The following LARP1B variants were observed in gnomAD, a reference collection of about 807,000 sequenced individuals.
LARP1B encodes the protein la-related protein 1B.
LARP1B carries 76 observed loss-of-function variants against 114.2 expected under a neutral mutation model. The ratio of observed to expected loss-of-function variants is 0.67; its 90% CI spans 0.55 to 0.81. The LOEUF is 0.81. LARP1B is among the 30% of genes least tolerant of loss of function. The pLI, the probability that LARP1B is intolerant of heterozygous loss-of-function variation, is 0.00. For synonymous variants in LARP1B, 345 were observed against 348.0 expected (o/e 0.99, Z 0.10); for missense variants, 1,014 against 1,075.8 (o/e 0.94, Z 0.80).
intron 15 of LARP1B, among the ~76,000 whole-genome samples, chr4:128,181,744 T>A (rs1182780711): frequency 2.0e-5 from 3 of 152,014 alleles, no homozygotes; most frequent in African/African-American, 4.8e-5. Flanking sequence ...TTCATGTCTC[T>A]GTGTCACCTT....
intron 9 of LARP1B, among the ~76,000 whole-genome samples, chr4:128,111,224 T>G (rs1179446808): frequency 1.3e-5 from 2 of 151,910 alleles, no homozygotes; most frequent in African/African-American, 4.8e-5. Context: ...TTTTTTGTAT[T>G]TTTAGTAGAG....
intron 15 of LARP1B, among the ~76,000 whole-genome samples, chr4:128,194,513 T>C (rs1753381387): frequency 6.6e-6 from 1 of 151,708 alleles, no homozygotes; most frequent in African/African-American, 2.4e-5. Context: ...AAACCCCGTC[T>C]CTGCTAAAAA....
intron 12 of LARP1B, among the ~76,000 whole-genome samples, chr4:128,176,201 TA>T (rs1329944175): frequency 1.0e-4 from 15 of 143,974 alleles, no homozygotes; most frequent in Admixed American, 5.0e-4. Flanking sequence ...TATTTTTATA[TA>T]TTATATATTT....
At chr4:128,157,251 T>C (rs908694111) in intron 11 of LARP1B, among the ~76,000 whole-genome samples, 2 of 152,156 alleles carry the variant, frequency 1.3e-5, no homozygotes, top group Non-Finnish European at 2.9e-5. Context: ...ATGGGTAGGC[T>C]TAATAGTAGA....
chr4:128,199,878 G>A (rs1388943290), intron 16 of LARP1B, among the ~76,000 whole-genome samples: 3 of 152,170 alleles, frequency 2.0e-5, no homozygotes, highest in African/African-American at 4.8e-5. Context: ...TTGAGGTCAG[G>A]AGTATGAGAC....
intron 15 of LARP1B, among the ~76,000 whole-genome samples, chr4:128,194,053 T>G (rs116522547): frequency 0.027 from 4,111 of 152,276 alleles, 174 homozygotes; most frequent in African/African-American, 0.094. Context: ...TATTGTGTTG[T>G]GTATATTTTG....
chr4:128,127,143 T>C (rs1789927786), intron 11 of LARP1B, among the ~76,000 whole-genome samples: 1 of 152,170 alleles, frequency 6.6e-6, no homozygotes, highest in Non-Finnish European at 1.5e-5. Flanking sequence ...TGCAAAAATA[T>C]CTTTCAGTAA....
intron 11 of LARP1B, among the ~76,000 whole-genome samples, chr4:128,160,402 A>T (rs897041105): frequency 6.6e-6 from 1 of 152,170 alleles, no homozygotes; most frequent in African/African-American, 2.4e-5. Flanking sequence ...GGAGATCCTG[A>T]CCAGAAGGGA....
intron 7 of LARP1B, among the ~76,000 whole-genome samples, chr4:128,096,701 C>T (rs1033044168): frequency 4.6e-5 from 7 of 151,286 alleles, no homozygotes; most frequent in Non-Finnish European, 1.0e-4. Context: ...CCCAGGTTCA[C>T]GCCATTCTCC....
chr4:128,069,025 G>T, intron 1 of LARP1B: 1 of 885,958 alleles, frequency 1.1e-6, no homozygotes, highest in South Asian at 1.7e-5. Context: ...TGGCTGTAAC[G>T]GTGGAGCTGG....
intron 10 of LARP1B, among the ~76,000 whole-genome samples, chr4:128,121,083 A>G (rs1017826806): frequency 6.6e-6 from 1 of 152,120 alleles, no homozygotes; most frequent in African/African-American, 2.4e-5. Context: ...TGCTGGGATT[A>G]TAGGTGTGAG....
At chr4:128,221,021 T>C (rs973163892) in intron 7 of LARP1B, among the ~76,000 whole-genome samples, 5 of 152,214 alleles carry the variant, frequency 3.3e-5, no homozygotes, top group Non-Finnish European at 2.9e-5. Flanking sequence ...CGAACTCAAC[T>C]GCAATGATTC....
chr4:128,098,222 C>T lies in LARP1B; in HGVS notation c.705C>T (p.Asp235=). ...TCAGTGTAGAAAATTTGGAACGAGA[C>T]TTCTTTCTTCGGGGAAAGATGGATG... ...YYFSVENLER[D]FFLRGKMDEQ... Residue 235 remains aspartate (D), a synonymous_variant, in exon 8 of 20, where the codon GAC becomes GAT. Coordinates refer to ENST00000326639, the MANE Select transcript of LARP1B (RefSeq NM_018078.4). 1 of 1,613,030 alleles carries T rather than the reference C, an allele frequency of 6.2e-7. No individual in the cohort carries two copies. Among genetic ancestry groups the T allele is most frequent in the Non-Finnish European group, 8.5e-7 (1 of 1,179,096 alleles).
At chr4:128,073,833 G>C (rs567393404) in intron 1 of LARP1B, among the ~76,000 whole-genome samples, 2 of 151,582 alleles carry the variant, frequency 1.3e-5, no homozygotes, top group Admixed American at 1.3e-4. Flanking sequence ...CCAGTGATCC[G>C]CCCATCTTGG....
intron 8 of LARP1B, among the ~76,000 whole-genome samples, chr4:128,098,860 A>T (rs1462049167): frequency 7.1e-6 from 1 of 141,288 alleles, no homozygotes; most frequent in East Asian, 2.1e-4. Context: ...TCACCACAAC[A>T]TCTGCCTCTT....
At chr4:128,062,801 T>TA (rs751424378) in intron 1 of LARP1B, among the ~76,000 whole-genome samples, 92 of 148,026 alleles carry the variant, frequency 6.2e-4, no homozygotes, top group Non-Finnish European at 1.2e-3. Context: ...CATTAGGAGA[T>TA]ATACCTAATG....
chr4:128,085,237 A>G (rs1360063477), intron 5 of LARP1B, among the ~76,000 whole-genome samples: 2 of 151,812 alleles, frequency 1.3e-5, no homozygotes, highest in South Asian at 2.1e-4. Flanking sequence ...AAGTTTCTTC[A>G]GCTTTTTTGT....
rs533053980 is a variant in LARP1B, at chr4:128,065,075, A to G, written c.-78+3674A>G. Among the ~76,000 whole-genome samples the G allele has an allele frequency of 2.0e-4, 30 of 152,192 alleles. No homozygotes were observed. The South Asian group carries it at 6.0e-3, about 30-fold the overall frequency. On this transcript the variant is annotated intron_variant, in intron 1 of 19. Coordinates refer to ENST00000326639, the MANE Select transcript of LARP1B (RefSeq NM_018078.4). ...TGGAGATTAAGAACACTGTGATACT[A>G]GTTGTATGGTATGGTTCATGGAAAT...
intron 1 of LARP1B, among the ~76,000 whole-genome samples, chr4:128,065,252 A>T (rs61272463): frequency 0.43 from 44,487 of 104,418 alleles, 8,658 homozygotes; most frequent in Middle Eastern, 0.53. Flanking sequence ...TCCCACAATT[A>T]ATTTCTTTCT....
Sources: allele counts gnomAD v4.1 joint callset (sites outside exome capture counted in the v4.1 genomes callset), GRCh38; gene constraint gnomAD v4.1.1; transcripts MANE v1.5; gene names NCBI Gene and HGNC (gene_info 2026-07-23, HGNC 2026-07-21).